The following STK32A variants were observed in gnomAD, a reference collection of about 807,000 sequenced individuals.
STK32A encodes serine/threonine-protein kinase 32A.
STK32A carries 41 observed loss-of-function variants against 53.2 expected under a neutral mutation model. The ratio of observed to expected loss-of-function variants is 0.77; its 90% CI spans 0.60 to 1.00. The LOEUF (loss-of-function observed/expected upper bound fraction) is 1.00, where lower values mean the gene tolerates loss of function less well. Among genes scored for constraint, STK32A ranks in the 50% least tolerant of loss-of-function variants. The pLI is 0.00. For missense variants in STK32A, 458 were observed against 485.8 expected, an observed-to-expected ratio of 0.94 and a Z score of 0.54; for synonymous variants, 166 against 162.8, an observed-to-expected ratio of 1.02 and a Z score of -0.15.
intron 2 of STK32A, among the ~76,000 whole-genome samples, chr5:147,269,498 CTGTAACTGTTTCCA>C (rs940262568): frequency 4.6e-5 from 7 of 152,212 alleles, no homozygotes; most frequent in African/African-American, 1.7e-4. Flanking sequence ...GGCAACCAAA[CTGTAACTGTTTCCA>C]TGTCGAATTG....
In STK32A at chr5:147,386,646, A is replaced by C. The variant is rs1473147141; in HGVS notation, c.*2663A>C. On this transcript the variant is annotated 3_prime_UTR_variant, in exon 13 of 13. Transcript: ENST00000397936. Reference sequence around the variant, plus strand: ...AGTGAGCTGCTTCTGTGACTGAAGCACCTCTGTGGGCTTTTGGGAACCATG... The same window carrying C: ...AGTGAGCTGCTTCTGTGACTGAAGCCCCTCTGTGGGCTTTTGGGAACCATG... The C allele has an allele frequency of 6.6e-6, 1 of 152,126 alleles. No individual in the cohort carries two copies. Among genetic ancestry groups the C allele is most frequent in the Non-Finnish European group, 1.5e-5 (1 of 68,048 alleles). 9.4% of individuals were successfully genotyped at this position (152,126 alleles called of 1,614,324 possible). A position where few individuals can be genotyped will look rare whatever the true frequency, so the allele number is the denominator to read the frequency against.
chr5:147,365,317 A>T (rs1295547901), intron 8 of STK32A, among the ~76,000 whole-genome samples: 1 of 152,194 alleles, frequency 6.6e-6, no homozygotes, highest in Non-Finnish European at 1.5e-5. Flanking sequence ...ACACCCAAAC[A>T]TTCATTAGTT....
chr5:147,236,787 A>G, intron 1 of STK32A, among the ~76,000 whole-genome samples: 1 of 152,176 alleles, frequency 6.6e-6, no homozygotes, highest in Non-Finnish European at 1.5e-5. Context: ...GAAAATTGCG[A>G]TAATATTCCT....
In STK32A at chr5:147,384,008, C is replaced by A; in HGVS notation, c.*25C>A. 1.3e-6 allele frequency: 2 copies of A among 1,589,164 alleles called. No homozygotes were observed. Among genetic ancestry groups the A allele is most frequent in the Non-Finnish European group, 1.7e-6 (2 of 1,172,098 alleles). ...AAGGCCTCATGTCTTCTTCTTGGGACAATCTCATGCCAGAAACTTCTAATT... is the reference window on the plus strand; with the variant it reads ...AAGGCCTCATGTCTTCTTCTTGGGAAAATCTCATGCCAGAAACTTCTAATT... On this transcript the variant is annotated 3_prime_UTR_variant, in exon 13 of 13. Transcript: ENST00000397936.
At chr5:147,378,096 G>A (rs987273048) in intron 11 of STK32A, among the ~76,000 whole-genome samples, 6 of 151,864 alleles carry the variant, frequency 4.0e-5, no homozygotes, top group Non-Finnish European at 4.4e-5. Flanking sequence ...TAACATGCTC[G>A]TTCATTCATT....
intron 2 of STK32A, among the ~76,000 whole-genome samples, chr5:147,251,435 A>T (rs965864361): frequency 2.0e-5 from 3 of 152,248 alleles, no homozygotes; most frequent in African/African-American, 7.2e-5. Flanking sequence ...CAATTTAAAC[A>T]TAGCAGGACT....
At chr5:147,350,298 C>A in intron 6 of STK32A, among the ~76,000 whole-genome samples, 1 of 151,300 alleles carries the variant, frequency 6.6e-6, no homozygotes, top group East Asian at 1.9e-4. Flanking sequence ...GCTTTCTTGG[C>A]TAGGAAATAA....
intron 5 of STK32A, among the ~76,000 whole-genome samples, chr5:147,328,090 G>A (rs1754689628): frequency 6.6e-6 from 1 of 152,214 alleles, no homozygotes; most frequent in South Asian, 2.1e-4. Flanking sequence ...AGAGAAGTTG[G>A]TTGGGAGTAA....
rs550401276 is a variant in STK32A at position 147,356,041 on chromosome 5, T to C, written c.562+4887T>C. ...TGTTCCAAGCACTTTGCTAAGTTTT[T>C]AACATTTATTATTAAACTCTCAACC... On this transcript the variant is annotated intron_variant, in intron 7 of 12. Transcript: ENST00000397936. 1.7e-4 allele frequency among the ~76,000 whole-genome samples: 26 copies of C among 152,274 alleles called. No individual in the cohort carries two copies. In the South Asian group the frequency reaches 5.4e-3, roughly 32 times the overall value.
chr5:147,360,070 C>T (rs1157391179), intron 7 of STK32A, among the ~76,000 whole-genome samples: 1 of 152,046 alleles, frequency 6.6e-6, no homozygotes, highest in South Asian at 2.1e-4. Flanking sequence ...AGAAGCCTAC[C>T]CAATGTTTCT....
At chr5:147,249,605 GA>G (rs1004252481) in intron 2 of STK32A, among the ~76,000 whole-genome samples, 9 of 151,610 alleles carry the variant, frequency 5.9e-5, no homozygotes, top group African/African-American at 1.7e-4. Context: ...TTGCTGGGAT[GA>G]AAAAAAATCA....
intron 2 of STK32A, among the ~76,000 whole-genome samples, chr5:147,249,642 G>A (rs963471134): frequency 2.0e-5 from 3 of 152,094 alleles, no homozygotes; most frequent in Admixed American, 2.0e-4. Flanking sequence ...GCTGGGTGCA[G>A]TGGTTCACGC....
chr5:147,284,963 A>T (rs552870494), intron 4 of STK32A, among the ~76,000 whole-genome samples: 1 of 152,282 alleles, frequency 6.6e-6, no homozygotes, highest in Admixed American at 6.5e-5. Context: ...TCTAAAATTC[A>T]TATGGAACCA....
chr5:147,262,166 C>T (rs2151947437), intron 2 of STK32A, among the ~76,000 whole-genome samples: 1 of 152,254 alleles, frequency 6.6e-6, no homozygotes, highest in South Asian at 2.1e-4. Flanking sequence ...GAAAACCTGT[C>T]CTGGTTCACA....
In STK32A at chr5:147,384,166, A is replaced by G. The variant is rs17106607; in HGVS notation, c.*183A>G. On this transcript the variant is annotated 3_prime_UTR_variant, in exon 13 of 13. Coordinates refer to ENST00000397936, the MANE Select transcript of STK32A (RefSeq NM_001112724.2). ...CCTGGGCCTGAGCTCCTGGGATGTCATTTCACATCAATCAACTGTGTGATC... is the reference window on the plus strand; with the variant it reads ...CCTGGGCCTGAGCTCCTGGGATGTCGTTTCACATCAATCAACTGTGTGATC... 27,013 of 1,441,890 alleles carry G rather than the reference A, an allele frequency of 0.019. 2,616 individuals are homozygous for G. In the African/African-American group the frequency reaches 0.22, roughly 12 times the overall value. The allele number at this position is 1,441,890 out of a possible 1,614,324, so 89.3% of individuals were successfully genotyped here.
intron 5 of STK32A, among the ~76,000 whole-genome samples, chr5:147,325,645 A>G (rs1461662733): frequency 6.6e-6 from 1 of 152,096 alleles, no homozygotes; most frequent in Non-Finnish European, 1.5e-5. Flanking sequence ...TGTGCTCTTC[A>G]GGCACCAGAT....
intron 2 of STK32A, among the ~76,000 whole-genome samples, chr5:147,252,036 C>T (rs183544387): frequency 1.8e-3 from 244 of 137,748 alleles, no homozygotes; most frequent in Non-Finnish European, 2.2e-3. Flanking sequence ...GACTCCATCT[C>T]TACCATTTTT....
chr5:147,345,023 G>A (rs1276938903), intron 6 of STK32A, among the ~76,000 whole-genome samples: 1 of 152,138 alleles, frequency 6.6e-6, no homozygotes, highest in African/African-American at 2.4e-5. Context: ...AAAACATGAA[G>A]AAATCAATTA....
chr5:147,395,823 TA>T, the STK32A span: 37,026 of 1,341,248 alleles, frequency 0.028, 623 homozygotes, highest in Non-Finnish European at 0.033. Context: ...TGGTGGGAGC[TA>T]GGAATTAACA....
Sources: allele counts gnomAD v4.1 joint callset (sites outside exome capture counted in the v4.1 genomes callset), GRCh38; gene constraint gnomAD v4.1.1; transcripts MANE v1.5; gene names NCBI Gene and HGNC (gene_info 2026-07-23, HGNC 2026-07-21).